CREB5: variants seen among roughly 807,000 people sequenced by gnomAD.
CREB5 encodes the protein cAMP responsive element binding protein 5.
A neutral mutation model predicts 57.1 loss-of-function variants in CREB5; 19 were observed. The ratio of observed to expected loss-of-function variants is 0.33; its 90% CI spans 0.23 to 0.49. The LOEUF (loss-of-function observed/expected upper bound fraction) is 0.49, where lower values mean the gene tolerates loss of function less well. Ranked by LOEUF, CREB5 falls within the 20% of genes least tolerant of loss-of-function variation. The probability of loss-of-function intolerance (pLI) is 0.99; values close to 1 mark genes in which losing one functional copy is unlikely to be tolerated. For missense variants in CREB5, 579 were observed against 671.6 expected (o/e 0.86, Z 1.52); for synonymous variants, 238 against 238.3 (o/e 1.00, Z 0.01).
chr7:28,808,089 ACT>A, intron 8 of CREB5, among the ~76,000 whole-genome samples: 1 of 152,110 alleles, frequency 6.6e-6, no homozygotes, highest in Non-Finnish European at 1.5e-5. Context: ...TGCACAAGCA[ACT>A]CTCACTATCT....
At chr7:28,667,777 C>A (rs935536561) in intron 5 of CREB5, among the ~76,000 whole-genome samples, 1 of 152,024 alleles carries the variant, frequency 6.6e-6, no homozygotes, top group Non-Finnish European at 1.5e-5. Flanking sequence ...GCCGAGGAAA[C>A]GAAAACAAAT....
At chr7:28,568,765 A>C (rs1252147573) in intron 4 of CREB5, among the ~76,000 whole-genome samples, 2 of 152,216 alleles carry the variant, frequency 1.3e-5, no homozygotes, top group Non-Finnish European at 2.9e-5. Flanking sequence ...CTGTGTGGTC[A>C]GGATTTAGAA....
intron 5 of CREB5, among the ~76,000 whole-genome samples, chr7:28,579,131 T>C (rs1429793546): frequency 3.3e-5 from 5 of 152,164 alleles, no homozygotes; most frequent in Admixed American, 2.0e-4. Flanking sequence ...TTTTCCATCT[T>C]GTAAAAAGAA....
intron 1 of CREB5, among the ~76,000 whole-genome samples, chr7:28,471,936 A>G (rs1170067369): frequency 1.4e-5 from 2 of 138,802 alleles, no homozygotes; most frequent in African/African-American, 5.4e-5. Flanking sequence ...TCACAATAAG[A>G]TAAAACACAA....
intron 5 of CREB5, among the ~76,000 whole-genome samples, chr7:28,688,391 T>C (rs916169871): frequency 1.3e-5 from 2 of 152,204 alleles, no homozygotes; most frequent in African/African-American, 4.8e-5. Context: ...ACCCTTGTGC[T>C]TCAGTTGCTC....
intron 1 of CREB5, among the ~76,000 whole-genome samples, chr7:28,320,170 G>A (rs767745474): frequency 1.3e-5 from 2 of 151,988 alleles, no homozygotes; most frequent in Admixed American, 6.6e-5. Context: ...ACCTCAAGTG[G>A]TCTGCTTGCC....
intron 5 of CREB5, among the ~76,000 whole-genome samples, chr7:28,690,816 G>A (rs1358373233): frequency 6.6e-6 from 1 of 152,114 alleles, no homozygotes; most frequent in African/African-American, 2.4e-5. Flanking sequence ...GCATCACTTA[G>A]CCTTCTTCTT....
At chr7:28,800,639 A>C (rs1808308351) in intron 7 of CREB5, among the ~76,000 whole-genome samples, 1 of 152,206 alleles carries the variant, frequency 6.6e-6, no homozygotes, top group Non-Finnish European at 1.5e-5. Context: ...AGCCCTGGAC[A>C]ATCCTTTCTT....
chr7:28,750,262 C>T (rs946061880), intron 7 of CREB5, among the ~76,000 whole-genome samples: 2 of 152,292 alleles, frequency 1.3e-5, no homozygotes, highest in Non-Finnish European at 2.9e-5. Context: ...GTTCCTTCCA[C>T]GTTCCATCCT....
chr7:28,603,171 T>C (rs1173972189), intron 5 of CREB5, among the ~76,000 whole-genome samples: 1 of 152,226 alleles, frequency 6.6e-6, no homozygotes, highest in Admixed American at 6.5e-5. Context: ...AAAGATGGCC[T>C]AATTGGCTGA....
chr7:28,403,351 A>G (rs1300777617), intron 1 of CREB5, among the ~76,000 whole-genome samples: 1 of 152,250 alleles, frequency 6.6e-6, no homozygotes, highest in Non-Finnish European at 1.5e-5. Context: ...TCTAAATGCC[A>G]GGCACAGGGC....
chr7:28,605,858 G>A (rs938678961), intron 5 of CREB5, among the ~76,000 whole-genome samples: 1 of 152,196 alleles, frequency 6.6e-6, no homozygotes, highest in African/African-American at 2.4e-5. Context: ...AGGCAGATCA[G>A]TTGAGCCTGG....
At chr7:28,615,224 A>C (rs776051393) in intron 5 of CREB5, 1 of 152,246 alleles carries the variant, frequency 6.6e-6, no homozygotes, top group African/African-American at 2.4e-5. Context: ...GTTGGGAGGT[A>C]AAATAGCTCA....
At chr7:28,300,306 A>G (rs1054977042) in intron 1 of CREB5, among the ~76,000 whole-genome samples, 1 of 152,176 alleles carries the variant, frequency 6.6e-6, no homozygotes, top group Non-Finnish European at 1.5e-5. Flanking sequence ...TGCTTGTCTA[A>G]TATTTGTGTC....
At chr7:28,323,813 C>A (rs1251874115) in intron 1 of CREB5, among the ~76,000 whole-genome samples, 1 of 152,184 alleles carries the variant, frequency 6.6e-6, no homozygotes, top group African/African-American at 2.4e-5. Flanking sequence ...AACTATACAA[C>A]TCACTATAAT....
intron 4 of CREB5, among the ~76,000 whole-genome samples, chr7:28,540,617 C>A (rs1794166754): frequency 6.6e-6 from 1 of 152,128 alleles, no homozygotes. Flanking sequence ...GAAGTAACAC[C>A]ATTACTCTCA....
chr7:28,817,509 G>A (rs1256216765), intron 9 of CREB5, among the ~76,000 whole-genome samples: 1 of 152,178 alleles, frequency 6.6e-6, no homozygotes, highest in Admixed American at 6.5e-5. Context: ...CATTTCAGGT[G>A]GAAGCCACAA....
intron 5 of CREB5, among the ~76,000 whole-genome samples, chr7:28,672,646 C>T (rs1410777111): frequency 1.3e-5 from 2 of 152,100 alleles, no homozygotes; most frequent in Admixed American, 6.5e-5. Flanking sequence ...CTCCCCAGCC[C>T]AAAGCCAACA....
At position 28,823,183 on chromosome 7, in the gene CREB5, A is replaced by G. The variant is rs959831308; in HGVS notation, c.*3904A>G. On this transcript the variant is annotated 3_prime_UTR_variant, in exon 11 of 11. Coordinates refer to ENST00000357727, the MANE Select transcript of CREB5 (RefSeq NM_182898.4). ...TTTTAAGCCTCGGTAACTGCTATAAAACTAGCCATCCAGTTAGGATAGAAT... is the reference window on the plus strand; with the variant it reads ...TTTTAAGCCTCGGTAACTGCTATAAGACTAGCCATCCAGTTAGGATAGAAT... 6.6e-6 allele frequency: 1 copy of G among 152,582 alleles called. No homozygotes were observed. Among genetic ancestry groups the G allele is most frequent in the Non-Finnish European group, 1.5e-5 (1 of 68,036 alleles). 9.5% of individuals were successfully genotyped at this position (152,582 alleles called of 1,614,324 possible). A position where few individuals can be genotyped will look rare whatever the true frequency, so the allele number is the denominator to read the frequency against.
Sources: allele counts gnomAD v4.1 joint callset (sites outside exome capture counted in the v4.1 genomes callset), GRCh38; gene constraint gnomAD v4.1.1; transcripts MANE v1.5; gene names NCBI Gene and HGNC (gene_info 2026-07-23, HGNC 2026-07-21).